The following WDR70 variants were observed in gnomAD, a reference collection of about 807,000 sequenced individuals.
WDR70 encodes the protein WD repeat domain 70.
WDR70 carries 53 observed loss-of-function variants against 88.6 expected under a neutral mutation model. The observed-to-expected ratio is 0.60, with a 90% CI of 0.48 to 0.75. The LOEUF is 0.75. Among genes scored for constraint, WDR70 ranks in the 30% least tolerant of loss-of-function variants. WDR70 has a pLI of 0.00. For synonymous variants in WDR70, 280 were observed against 270.0 expected, an observed-to-expected ratio of 1.04 and a Z score of -0.36; for missense variants, 610 against 823.2, an observed-to-expected ratio of 0.74 and a Z score of 3.17.
chr5:37,749,901 G>C (rs1748755153), intron 17 of WDR70, among the ~76,000 whole-genome samples: 1 of 149,746 alleles, frequency 6.7e-6, no homozygotes, highest in East Asian at 1.9e-4. Flanking sequence ...TCTCATGGCT[G>C]CTAGGAAATT....
chr5:37,734,614 G>A (rs1748245060), intron 17 of WDR70, among the ~76,000 whole-genome samples: 1 of 152,000 alleles, frequency 6.6e-6, no homozygotes. Flanking sequence ...AGATAAAAGA[G>A]GGATAAAAGG....
At chr5:37,563,079 GAC>G in intron 9 of WDR70, among the ~76,000 whole-genome samples, 2 of 55,738 alleles carry the variant, frequency 3.6e-5, no homozygotes, top group Non-Finnish European at 3.4e-5. Context: ...GCGGGGGGCT[GAC>G]CCCCCCCGCC....
intron 9 of WDR70, among the ~76,000 whole-genome samples, chr5:37,518,901 T>C (rs901897538): frequency 1.8e-4 from 27 of 152,258 alleles, no homozygotes; most frequent in Middle Eastern, 3.4e-3. Flanking sequence ...TTAACGAGCA[T>C]GCTGCCTTCA....
At chr5:37,689,037 T>G (rs1746697679) in intron 10 of WDR70, among the ~76,000 whole-genome samples, 1 of 152,234 alleles carries the variant, frequency 6.6e-6, no homozygotes, top group Non-Finnish European at 1.5e-5. Context: ...GATTCTCTCC[T>G]GTGCCTGGCT....
At chr5:37,748,580 A>G (rs966062524) in intron 17 of WDR70, among the ~76,000 whole-genome samples, 3 of 152,260 alleles carry the variant, frequency 2.0e-5, no homozygotes. Flanking sequence ...CAAAAATGCC[A>G]AGAGCTATTG....
In WDR70 at chr5:37,396,439, C is replaced by T; in HGVS notation, c.361C>T (p.Pro121Ser). The change falls in exon 5 of 18, where the codon CCT becomes TCT. Residue 121 changes from proline (P) to serine (S), a missense_variant. Physicochemically the swap from Pro to Ser is moderately conservative, Grantham distance 74. Coordinates refer to ENST00000265107, the MANE Select transcript of WDR70 (RefSeq NM_018034.4). ...TTCTGATGATGAGTTAATTGGCCCT[C>T]CTTTACCCCCTAAAATGGTAGGAAA... ...DSSDDELIGP[P>S]LPPKMVGKPV... 2 of 1,613,956 alleles carry T rather than the reference C, an allele frequency of 1.2e-6. No individual in the cohort carries two copies. The highest frequency in any genetic ancestry group is 4.5e-5 in the East Asian group (2 of 44,864).
At chr5:37,551,205 C>T (rs895546586) in intron 9 of WDR70, among the ~76,000 whole-genome samples, 18 of 151,572 alleles carry the variant, frequency 1.2e-4, no homozygotes, top group East Asian at 2.0e-4. Flanking sequence ...CTCAGGAGGC[C>T]GAGGCAGGAG....
At chr5:37,706,834 A>G (rs1747342352) in intron 13 of WDR70, among the ~76,000 whole-genome samples, 1 of 152,040 alleles carries the variant, frequency 6.6e-6, no homozygotes, top group South Asian at 2.1e-4. Context: ...CTTTTCTAAG[A>G]TGAATTCCAG....
intron 9 of WDR70, among the ~76,000 whole-genome samples, chr5:37,594,137 A>C (rs1743624943): frequency 6.6e-6 from 1 of 151,984 alleles, no homozygotes; most frequent in Admixed American, 6.6e-5. Flanking sequence ...TGCCGTATGG[A>C]AGCTCTTTAA....
At chr5:37,713,608 T>A (rs1023274912) in intron 13 of WDR70, among the ~76,000 whole-genome samples, 1 of 152,018 alleles carries the variant, frequency 6.6e-6, no homozygotes, top group Admixed American at 6.5e-5. Context: ...ATGTTATATT[T>A]ACTTATTATT....
At chr5:37,605,367 C>A in intron 10 of WDR70, 129 bp downstream of exon 10, 1 of 956,942 alleles carries the variant, frequency 1.0e-6, no homozygotes, top group Non-Finnish European at 1.5e-6. Flanking sequence ...ATTTAAACTT[C>A]AGTGTTAGGT....
intron 8 of WDR70, among the ~76,000 whole-genome samples, chr5:37,484,014 G>A (rs1252336472): frequency 1.1e-4 from 17 of 151,648 alleles, no homozygotes; most frequent in African/African-American, 2.7e-4. Flanking sequence ...GGGCAGAGAC[G>A]CTCCTCACTT....
At chr5:37,535,385 G>A (rs1417690953) in intron 9 of WDR70, among the ~76,000 whole-genome samples, 1 of 152,074 alleles carries the variant, frequency 6.6e-6, no homozygotes, top group Non-Finnish European at 1.5e-5. Flanking sequence ...TTCATAGATT[G>A]GTAGGAAAAG....
At chr5:37,605,010 C>A (rs1743990206) in intron 9 of WDR70, 54 bp from the exon 10 acceptor site, 2 of 1,445,346 alleles carry the variant, frequency 1.4e-6, no homozygotes, top group Non-Finnish European at 1.8e-6. Context: ...TTTTAACCTC[C>A]CCCCTCCTTC....
intron 7 of WDR70, chr5:37,479,371 T>G (rs1350296937): frequency 6.6e-6 from 1 of 152,062 alleles, no homozygotes; most frequent in East Asian, 1.9e-4. Flanking sequence ...TGGTTGTTTT[T>G]TTTTTTTTTT....
chr5:37,588,149 A>G (rs773382679), intron 9 of WDR70, among the ~76,000 whole-genome samples: 6 of 152,216 alleles, frequency 3.9e-5, no homozygotes, highest in Non-Finnish European at 8.8e-5. Flanking sequence ...TATATAATAT[A>G]CATCTAGTAT....
intron 17 of WDR70, among the ~76,000 whole-genome samples, chr5:37,742,314 C>A (rs1486566445): frequency 6.9e-6 from 1 of 145,896 alleles, no homozygotes; most frequent in East Asian, 2.1e-4. Context: ...GGTGGTATCT[C>A]ATTGTGGTTT....
At chr5:37,559,573 A>G (rs1381826354) in intron 9 of WDR70, among the ~76,000 whole-genome samples, 1 of 152,160 alleles carries the variant, frequency 6.6e-6, no homozygotes, top group African/African-American at 2.4e-5. Flanking sequence ...GGCCGGGCGC[A>G]GTGGCTCACG....
At chr5:37,505,439 C>G (rs1157047273) in intron 8 of WDR70, among the ~76,000 whole-genome samples, 2 of 152,018 alleles carry the variant, frequency 1.3e-5, no homozygotes, top group East Asian at 1.9e-4. Context: ...CCCCCCTACC[C>G]CATTCAAAAA....
Sources: gnomAD v4.1 joint callset for allele counts (sites outside exome capture counted in the v4.1 genomes callset) on GRCh38, gnomAD v4.1.1 for gene constraint, MANE v1.5 for transcripts, NCBI Gene and HGNC (gene_info 2026-07-23, HGNC 2026-07-21) for gene names.